Variants in ICA1 observed in about 807,000 individuals in gnomAD.
ICA1 encodes the protein 69 kDa islet cell autoantigen.
Under a neutral mutation model 71.0 loss-of-function variants are expected in ICA1, and 40 were observed. The ratio of observed to expected loss-of-function variants is 0.56; its 90% CI spans 0.44 to 0.73. The LOEUF (loss-of-function observed/expected upper bound fraction) is 0.73. Among genes scored for constraint, ICA1 ranks in the 30% least tolerant of loss-of-function variants. The pLI is 0.00. For synonymous variants in ICA1, 207 were observed against 209.5 expected (o/e 0.99, Z 0.10); for missense variants, 578 against 576.5 (o/e 1.00, Z -0.03).
intron 1 of ICA1, among the ~76,000 whole-genome samples, chr7:8,252,995 C>T (rs1282913560): frequency 6.6e-6 from 1 of 152,038 alleles, no homozygotes; most frequent in Admixed American, 6.6e-5. Context: ...ATAAGCATGG[C>T]ACACGCCACA....
chr7:8,116,173 C>G (rs1393125887), intron 13 of ICA1: 1 of 152,176 alleles, frequency 6.6e-6, no homozygotes, highest in East Asian at 1.9e-4. Flanking sequence ...GTACAGAAAA[C>G]AGGTTAGGCC....
intron 9 of ICA1, 109 bp downstream of exon 9, chr7:8,143,766 G>T: frequency 1.4e-6 from 1 of 695,610 alleles, no homozygotes; most frequent in East Asian, 2.6e-5. Context: ...TGAGAAGTGA[G>T]GAAGTAAGAC....
chr7:8,133,363 T>C (rs1163281419), intron 12 of ICA1, among the ~76,000 whole-genome samples: 3 of 152,178 alleles, frequency 2.0e-5, no homozygotes, highest in African/African-American at 7.2e-5. Flanking sequence ...GGTGCAACCA[T>C]AGCACTCCAG....
chr7:8,238,189 G>A (rs1802497517), intron 1 of ICA1, among the ~76,000 whole-genome samples: 1 of 152,126 alleles, frequency 6.6e-6, no homozygotes, highest in East Asian at 1.9e-4. Context: ...GGATTATACA[G>A]TTCTCTACTT....
At chr7:8,155,434 C>T (rs1356393011) in intron 8 of ICA1, among the ~76,000 whole-genome samples, 1 of 152,198 alleles carries the variant, frequency 6.6e-6, no homozygotes, top group Non-Finnish European at 1.5e-5. Context: ...ATATTTTCCT[C>T]AGCACAGGAG....
At chr7:8,160,663 G>C (rs1803423339) in intron 6 of ICA1, among the ~76,000 whole-genome samples, 1 of 152,222 alleles carries the variant, frequency 6.6e-6, no homozygotes, top group African/African-American at 2.4e-5. Context: ...TGTGTCTATA[G>C]CTATGTCAAA....
rs150864727 is a variant in ICA1 at position 8,228,857 on chromosome 7, T to C, written c.184-184A>G. On this transcript the variant is annotated intron_variant, in intron 3 of 13. Transcript: ENST00000402384. Reference sequence around the variant, plus strand: ...CAAAGCCTTTAAATATCTCCTATTATTCTGTATTTATTGGAATTCATCATC... The same window carrying C: ...CAAAGCCTTTAAATATCTCCTATTACTCTGTATTTATTGGAATTCATCATC... Among the ~76,000 whole-genome samples the C allele has an allele frequency of 2.5e-3, 380 of 152,354 alleles. 1 individual carries two copies. The highest frequency in any genetic ancestry group is 8.6e-3 in the African/African-American group (358 of 41,588).
At chr7:8,158,357 G>T (rs545148669) in intron 7 of ICA1, 170 bp downstream of exon 7, 3 of 685,448 alleles carry the variant, frequency 4.4e-6, no homozygotes, top group Admixed American at 2.9e-5. Flanking sequence ...ACTACTATTT[G>T]GTTTGGTTAA....
chr7:8,170,900 T>C (rs1808082627), intron 6 of ICA1, among the ~76,000 whole-genome samples: 2 of 151,972 alleles, frequency 1.3e-5, no homozygotes. Flanking sequence ...TTCCTGATCT[T>C]AGGAGGAAAC....
chr7:8,141,930 C>A lies in ICA1; in HGVS notation c.903-113G>T, dbSNP rs778546798. 3.6e-6 allele frequency: 5 copies of A among 1,384,598 alleles called. No homozygotes were observed. In the African/African-American group the frequency reaches 7.2e-5, roughly 20 times the overall value. The allele number at this position is 1,384,598 out of a possible 1,614,324, so 85.8% of individuals were successfully genotyped here. ...TTTTAACACAAACACATACACCACA[C>A]ACACGCACACGAAGAAGGGTCAACA... On this transcript the variant is annotated intron_variant, in intron 9 of 13. Coordinates refer to ENST00000402384, the MANE Select transcript of ICA1 (RefSeq NM_001136020.3).
intron 1 of ICA1, among the ~76,000 whole-genome samples, chr7:8,245,411 G>C (rs556419817): frequency 1.6e-5 from 2 of 126,258 alleles, no homozygotes; most frequent in East Asian, 2.8e-4. Context: ...GCCTGTTGTG[G>C]GGTGGGGGGT....
At chr7:8,216,285 G>A (rs1462334467) in intron 6 of ICA1, among the ~76,000 whole-genome samples, 1 of 152,134 alleles carries the variant, frequency 6.6e-6, no homozygotes, top group Non-Finnish European at 1.5e-5. Flanking sequence ...CATGGTTTCT[G>A]TCCTTGTGGA....
intron 3 of ICA1, among the ~76,000 whole-genome samples, chr7:8,231,106 C>T (rs1018260272): frequency 6.6e-6 from 1 of 152,074 alleles, no homozygotes; most frequent in Non-Finnish European, 1.5e-5. Flanking sequence ...CAGGGGTGGA[C>T]AGGCAGTGAC....
chr7:8,242,353 T>G (rs953877319), intron 1 of ICA1, among the ~76,000 whole-genome samples: 3 of 152,222 alleles, frequency 2.0e-5, no homozygotes, highest in African/African-American at 7.2e-5. Flanking sequence ...CATAAAGATG[T>G]TCTTTGAAAC....
chr7:8,153,165 C>G (rs191359087), intron 8 of ICA1, among the ~76,000 whole-genome samples: 156 of 152,314 alleles, frequency 1.0e-3, no homozygotes, highest in Middle Eastern at 6.8e-3. Context: ...AGAGATTGTG[C>G]TTTTATATAC....
intron 12 of ICA1, 96 bp downstream of exon 12, chr7:8,138,743 AG>A (rs1330718140): frequency 2.9e-6 from 3 of 1,046,474 alleles, no homozygotes; most frequent in African/African-American, 1.6e-5. Flanking sequence ...TGGAATGCAA[AG>A]CTATTAAAAA....
At chr7:8,217,928 C>T (rs1019615621) in intron 6 of ICA1, among the ~76,000 whole-genome samples, 23 of 152,188 alleles carry the variant, frequency 1.5e-4, no homozygotes, top group Admixed American at 1.5e-3. Context: ...TTTTAATATG[C>T]ATTAGCGATT....
chr7:8,221,538 G>A, intron 4 of ICA1, 140 bp from the exon 5 acceptor site: 3 of 898,898 alleles, frequency 3.3e-6, no homozygotes, highest in African/African-American at 1.7e-5. Flanking sequence ...AGGCTACAGG[G>A]TAAGCTCCCC....
chr7:8,247,206 C>G lies in ICA1; in HGVS notation c.-79-11201G>C, dbSNP rs180938082. On this transcript the variant is annotated intron_variant, in intron 1 of 13. Transcript: ENST00000402384. Reference sequence around the variant, plus strand: ...ATGCCTCATGCCTGTAATCCCAGAACTTTGGGAGGCCAAGGCAAGTGGAAC... The same window carrying G: ...ATGCCTCATGCCTGTAATCCCAGAAGTTTGGGAGGCCAAGGCAAGTGGAAC... Among the ~76,000 whole-genome samples, 388 of 152,190 alleles carry G rather than the reference C, an allele frequency of 2.5e-3. 2 individuals carry two copies. The highest frequency in any genetic ancestry group is 8.9e-3 in the African/African-American group (368 of 41,536).
Sources: gnomAD v4.1 joint callset for allele counts (sites outside exome capture counted in the v4.1 genomes callset) on GRCh38, gnomAD v4.1.1 for gene constraint, MANE v1.5 for transcripts, NCBI Gene and HGNC (gene_info 2026-07-23, HGNC 2026-07-21) for gene names.